Variants in NTM observed in about 807,000 individuals in gnomAD.
NTM encodes the protein IgLON family member 2.
In NTM, 13 loss-of-function variants were observed where a neutral mutation model predicts 42.1. That is an observed-to-expected ratio of 0.31 (90% CI 0.20 to 0.49). The LOEUF (loss-of-function observed/expected upper bound fraction) is 0.49. NTM is among the 20% of genes least tolerant of loss of function. The pLI is 0.99. For missense variants in NTM, 373 were observed against 452.8 expected (o/e 0.82, Z 1.60); for synonymous variants, 187 against 179.2 (o/e 1.04, Z -0.35).
At chr11:131,954,309 C>G (rs1293553782) in intron 2 of NTM, among the ~76,000 whole-genome samples, 1 of 152,206 alleles carries the variant, frequency 6.6e-6, no homozygotes, top group Non-Finnish European at 1.5e-5. Context: ...GCTGCTCTGA[C>G]CAGACCTAGT....
chr11:131,831,281 G>T (rs908365780), intron 1 of NTM, among the ~76,000 whole-genome samples: 2 of 152,052 alleles, frequency 1.3e-5, no homozygotes, highest in Admixed American at 1.3e-4. Context: ...ATTTAGTAAA[G>T]AACTAAATTT....
At chr11:131,752,913 T>A (rs1032309394) in intron 1 of NTM, among the ~76,000 whole-genome samples, 4 of 151,984 alleles carry the variant, frequency 2.6e-5, no homozygotes, top group African/African-American at 9.7e-5. Context: ...ACTAAAGAGC[T>A]TCTGCACAGC....
At chr11:132,256,758 G>T (rs1490504083) in intron 4 of NTM, among the ~76,000 whole-genome samples, 1 of 152,034 alleles carries the variant, frequency 6.6e-6, no homozygotes, top group Non-Finnish European at 1.5e-5. Context: ...TTCAGGAGAG[G>T]CAGAGGTGGG....
chr11:131,574,848 C>A (rs1487939482), intron 1 of NTM, among the ~76,000 whole-genome samples: 2 of 152,112 alleles, frequency 1.3e-5, no homozygotes, highest in Non-Finnish European at 2.9e-5. Flanking sequence ...TCCCCACTCC[C>A]CACTGTTACC....
intron 1 of NTM, among the ~76,000 whole-genome samples, chr11:131,585,044 C>A (rs2058734090): frequency 6.6e-6 from 1 of 152,178 alleles, no homozygotes; most frequent in Admixed American, 6.5e-5. Flanking sequence ...GTTCTTGCAA[C>A]CAAGGCACAA....
chr11:131,746,550 T>C (rs577942783), intron 1 of NTM, among the ~76,000 whole-genome samples: 1 of 152,302 alleles, frequency 6.6e-6, no homozygotes, highest in Non-Finnish European at 1.5e-5. Context: ...GGTATAATTT[T>C]CCAGATCAAG....
At chr11:131,628,623 T>C (rs1374404710) in intron 1 of NTM, among the ~76,000 whole-genome samples, 3 of 152,128 alleles carry the variant, frequency 2.0e-5, no homozygotes, top group African/African-American at 7.2e-5. Context: ...TCATCCTCAC[T>C]CCCAGTACTA....
chr11:132,121,641 A>G (rs2064843905), intron 2 of NTM, among the ~76,000 whole-genome samples: 1 of 152,028 alleles, frequency 6.6e-6, no homozygotes, highest in Non-Finnish European at 1.5e-5. Flanking sequence ...TTTAATTCTC[A>G]TTTTATTTTC....
chr11:131,779,420 AT>A (rs141946545), intron 1 of NTM, among the ~76,000 whole-genome samples: 2,069 of 152,308 alleles, frequency 0.014, 38 homozygotes, highest in African/African-American at 0.045. Flanking sequence ...TATTCAACTC[AT>A]TCTTGTATTT....
At chr11:131,547,541 C>T (rs569992554) in intron 1 of NTM, among the ~76,000 whole-genome samples, 2 of 152,196 alleles carry the variant, frequency 1.3e-5, no homozygotes, top group East Asian at 1.9e-4. Context: ...TGAAGTCCTG[C>T]TCTTCTTAGA....
chr11:131,658,625 C>T (rs1319320537), intron 1 of NTM, among the ~76,000 whole-genome samples: 8 of 152,206 alleles, frequency 5.3e-5, no homozygotes, highest in Non-Finnish European at 1.0e-4. Context: ...TGCGGAGAAA[C>T]TTGCCCAGAT....
chr11:131,644,296 T>TGTGATTATACCTAAATAG (rs1466979057), intron 1 of NTM, among the ~76,000 whole-genome samples: 3 of 152,206 alleles, frequency 2.0e-5, no homozygotes, highest in African/African-American at 4.8e-5. Flanking sequence ...CATGAATATA[T>TGTGATTATACCTAAATAG]GTGATTATAC....
chr11:131,890,146 C>CTCTCTATCTG (rs1555167704), intron 1 of NTM, among the ~76,000 whole-genome samples: 1 of 65,648 alleles, frequency 1.5e-5, no homozygotes, highest in African/African-American at 8.0e-5. Context: ...CCCTCTCTCT[C>CTCTCTATCTG]TCTCTCTCTG....
chr11:131,779,741 T>C (rs1246171362), intron 1 of NTM, among the ~76,000 whole-genome samples: 1 of 152,088 alleles, frequency 6.6e-6, no homozygotes. Context: ...GCAGATGTTC[T>C]TTAGGTGGAG....
chr11:132,167,557 CA>C (rs1399567622), intron 3 of NTM, among the ~76,000 whole-genome samples: 1 of 152,222 alleles, frequency 6.6e-6, no homozygotes, highest in Non-Finnish European at 1.5e-5. Context: ...CATTCCCATT[CA>C]AGCAATGGCT....
At chr11:132,203,898 CA>C (rs1239168618) in intron 3 of NTM, among the ~76,000 whole-genome samples, 2 of 124,786 alleles carry the variant, frequency 1.6e-5, no homozygotes, top group African/African-American at 6.5e-5. Flanking sequence ...GACTCCATCT[CA>C]AAAAACAAAA....
At chr11:131,832,332 G>A (rs2042923522) in intron 1 of NTM, among the ~76,000 whole-genome samples, 1 of 152,110 alleles carries the variant, frequency 6.6e-6, no homozygotes, top group Non-Finnish European at 1.5e-5. Context: ...GACTGAGCAT[G>A]TGATGTTTGG....
chr11:132,234,187 G>T (rs190453983), intron 4 of NTM, among the ~76,000 whole-genome samples: 64 of 152,288 alleles, frequency 4.2e-4, no homozygotes, highest in Non-Finnish European at 8.2e-4. Flanking sequence ...TCTGCAGTTG[G>T]TTCTGGTTCT....
chr11:131,580,465 G>A (rs1045190036), intron 1 of NTM, among the ~76,000 whole-genome samples: 1 of 152,102 alleles, frequency 6.6e-6, no homozygotes, highest in Non-Finnish European at 1.5e-5. Context: ...AGAGACACAG[G>A]AAAATGGGAT....
Sources: gnomAD v4.1 joint callset for allele counts (sites outside exome capture counted in the v4.1 genomes callset) on GRCh38, gnomAD v4.1.1 for gene constraint, MANE v1.5 for transcripts, NCBI Gene and HGNC (gene_info 2026-07-23, HGNC 2026-07-21) for gene names.